HORMAD1: variants seen among roughly 807,000 people sequenced by gnomAD.
The protein encoded by HORMAD1 is HORMA domain containing 1.
A neutral mutation model predicts 58.2 loss-of-function variants in HORMAD1; 33 were observed. The observed-to-expected ratio is 0.57, with a 90% CI of 0.43 to 0.76. The LOEUF (loss-of-function observed/expected upper bound fraction) is 0.76. HORMAD1 is among the 30% of genes least tolerant of loss of function. HORMAD1 has a pLI of 0.00. For missense variants in HORMAD1, 363 were observed against 462.0 expected (o/e 0.79, Z 1.96); for synonymous variants, 137 against 144.6 (o/e 0.95, Z 0.38).
At chr1:150,711,636 T>C (rs1651908904) in intron 6 of HORMAD1, 65 bp from the exon 7 acceptor site, 1 of 1,280,202 alleles carries the variant, frequency 7.8e-7, no homozygotes, top group East Asian at 2.3e-5. Flanking sequence ...AATTAGATGT[T>C]TAGACTAAAC....
At chr1:150,700,943 G>A (rs1651519428) in intron 13 of HORMAD1, among the ~76,000 whole-genome samples, 1 of 152,090 alleles carries the variant, frequency 6.6e-6, no homozygotes, top group South Asian at 2.1e-4. Context: ...ATTGGAAAAT[G>A]ACTAATGATT....
At position 150,708,193 on chromosome 1, in the gene HORMAD1, C is replaced by A; in HGVS notation, c.547+63G>T. On this transcript the variant is annotated intron_variant, in intron 9 of 14. Transcript: ENST00000361824. ...TGCTAAAAATATTTGGAATGGAAAC[C>A]AATTGTTTCAATAATGATAAAACAT... The A allele has an allele frequency of 8.7e-6, 11 of 1,258,978 alleles. No individual in the cohort carries two copies. In the South Asian group the frequency reaches 1.2e-4, roughly 13 times the overall value. 78.0% of individuals were successfully genotyped at this position (1,258,978 alleles called of 1,614,324 possible). A position where few individuals can be genotyped will look rare whatever the true frequency, so the allele number is the denominator to read the frequency against.
chr1:150,718,724 A>C (rs1305761736), intron 2 of HORMAD1, among the ~76,000 whole-genome samples: 1 of 152,084 alleles, frequency 6.6e-6, no homozygotes, highest in African/African-American at 2.4e-5. Context: ...TTCTGAGTTC[A>C]AGCGATTCTC....
rs768663194 is a variant in HORMAD1, at chr1:150,713,901, T to A, written c.279+184A>T. 9 of 587,956 alleles carry A rather than the reference T, an allele frequency of 1.5e-5. No homozygotes were observed. In the East Asian group the frequency reaches 3.0e-4, roughly 19 times the overall value. The allele number at this position is 587,956 out of a possible 1,614,324, so 36.4% of individuals were successfully genotyped here. A position where few individuals can be genotyped will look rare whatever the true frequency, so the allele number is the denominator to read the frequency against. ...TTGGAAAAATTTGTTTAGTGTTAAT[T>A]CCATTATCTTTAAATGAGTTGATGA... On this transcript the variant is annotated intron_variant, in intron 5 of 14. Transcript: ENST00000361824.
intron 14 of HORMAD1, among the ~76,000 whole-genome samples, chr1:150,699,278 T>C (rs747613500): frequency 2.6e-5 from 4 of 152,228 alleles, no homozygotes; most frequent in Non-Finnish European, 5.9e-5. Flanking sequence ...AATAAGGTTC[T>C]AAATATGAAA....
intron 10 of HORMAD1, among the ~76,000 whole-genome samples, chr1:150,705,767 G>C (rs1296928936): frequency 6.6e-6 from 1 of 152,070 alleles, no homozygotes; most frequent in African/African-American, 2.4e-5. Flanking sequence ...TAACTGAATT[G>C]GTTGAAAATT....
intron 11 of HORMAD1, 25 bp from the exon 12 acceptor site, chr1:150,704,219 ACCCGGGT>A: frequency 6.9e-7 from 1 of 1,451,898 alleles, no homozygotes; most frequent in Non-Finnish European, 9.5e-7. Context: ...AAAAAAAGTT[ACCCGGGT>A]ATAAAATTGA....
chr1:150,706,997 C>T (rs1008404321), intron 9 of HORMAD1, among the ~76,000 whole-genome samples, 188 bp from the exon 10 acceptor site: 1 of 152,190 alleles, frequency 6.6e-6, no homozygotes, highest in Admixed American at 6.5e-5. Context: ...TTGTTTTCTT[C>T]ACTTGACTGT....
At chr1:150,700,622 G>A (rs1557794191) in intron 13 of HORMAD1, among the ~76,000 whole-genome samples, 1 of 151,988 alleles carries the variant, frequency 6.6e-6, no homozygotes, top group African/African-American at 2.4e-5. Flanking sequence ...ATATACCTTA[G>A]CTATCACTCT....
chr1:150,719,772 T>C (rs189789863), intron 1 of HORMAD1, among the ~76,000 whole-genome samples: 1 of 152,316 alleles, frequency 6.6e-6, no homozygotes, highest in East Asian at 1.9e-4. Context: ...TAAGAAACTG[T>C]TTAAGAGAAC....
At position 150,703,399 on chromosome 1, in the gene HORMAD1, A is replaced by G. The variant is rs750274579; in HGVS notation, c.949-6T>C. 6.8e-7 allele frequency: 1 copy of G among 1,467,926 alleles called. No homozygotes were observed. Among genetic ancestry groups the G allele is most frequent in the Non-Finnish European group, 9.4e-7 (1 of 1,067,318 alleles). 90.9% of individuals were successfully genotyped at this position (1,467,926 alleles called of 1,614,324 possible). A position where few individuals can be genotyped will look rare whatever the true frequency, so the allele number is the denominator to read the frequency against. On this transcript the variant is annotated splice_region_variant and splice_polypyrimidine_tract_variant and intron_variant, in intron 12 of 14. Transcript: ENST00000361824. ...TTATTGACTAACTGCTCAACCTAAA[A>G]AAGAAAATAATTACAAAAAATATAA...
In HORMAD1 at chr1:150,703,353, G is replaced by A; in HGVS notation, c.989C>T (p.Ser330Phe). The change falls in exon 13 of 15, where the codon TCT becomes TTT. Residue 330 changes from serine to phenylalanine, a missense_variant. Ser to Phe is a radical substitution (Grantham distance 155). Around this residue, in one of 3 missense-constraint regions of HORMAD1, gnomAD observed 226 missense variants for 257.8 expected, o/e 0.88. Coordinates refer to ENST00000361824, the MANE Select transcript of HORMAD1 (RefSeq NM_032132.5). ...TTTTCCACTTCTTGTTTTGCTTTCAGACATATCAAGTTCAGATGTTTTATT... is the reference window on the plus strand; with the variant it reads ...TTTTCCACTTCTTGTTTTGCTTTCAAACATATCAAGTTCAGATGTTTTATT... ...LVNKTSELDM[S>F]ESKTRSGKVF... is the part of the protein sequence containing the mutation. 1 of 1,581,806 alleles carries A rather than the reference G, an allele frequency of 6.3e-7. No homozygotes were observed. The highest frequency in any genetic ancestry group is 8.6e-7 in the Non-Finnish European group (1 of 1,158,244).
At chr1:150,703,513 A>G (rs1651598510) in intron 12 of HORMAD1, 120 bp from the exon 13 acceptor site, 2 of 590,114 alleles carry the variant, frequency 3.4e-6, no homozygotes, top group Non-Finnish European at 5.9e-6. Flanking sequence ...AGTTAAAACC[A>G]ATAATTTTGA....
chr1:150,706,956 A>T (rs1651715327), intron 9 of HORMAD1, 147 bp from the exon 10 acceptor site: 1 of 593,034 alleles, frequency 1.7e-6, no homozygotes, highest in Non-Finnish European at 2.7e-6. Flanking sequence ...TGCTATGTCC[A>T]AGTCCCCATT....
intron 2 of HORMAD1, among the ~76,000 whole-genome samples, chr1:150,717,596 C>T (rs1209276347): frequency 2.0e-5 from 3 of 151,988 alleles, no homozygotes; most frequent in South Asian, 4.1e-4. Context: ...CAGCTGCCTA[C>T]AACCTCCATT....
chr1:150,711,853 G>T lies in HORMAD1; in HGVS notation c.280C>A (p.Leu94Ile). ...GCYDALQKKY[L>I]RMVVLAVYTN... is the part of the protein sequence containing the mutation. ...CTTACAGCTAGAACAACCATCCTTA[G>T]CTGAAATACAACAAAGAACAAAAAT... Residue 94 changes from leucine to isoleucine, a missense_variant and splice_region_variant, in exon 6 of 15, where the codon CTA becomes ATA. Leu to Ile is a conservative substitution (Grantham distance 5). This residue lies in a region of HORMAD1 where 128 missense variants were observed against 171.8 expected (regional missense o/e 0.74). Coordinates refer to ENST00000361824, the MANE Select transcript of HORMAD1 (RefSeq NM_032132.5). The T allele has an allele frequency of 6.4e-7, 1 of 1,570,908 alleles. No homozygotes were observed. Among genetic ancestry groups the T allele is most frequent in the Non-Finnish European group, 8.7e-7 (1 of 1,145,060 alleles).
intron 5 of HORMAD1, among the ~76,000 whole-genome samples, chr1:150,712,082 C>T (rs1008838788): frequency 3.9e-5 from 6 of 152,138 alleles, no homozygotes; most frequent in Admixed American, 6.5e-5. Flanking sequence ...AAATTCATGT[C>T]AGCACTTTAT....
intron 5 of HORMAD1, 144 bp from the exon 6 acceptor site, chr1:150,711,997 G>A (rs1223177943): frequency 7.9e-6 from 5 of 631,508 alleles, no homozygotes; most frequent in African/African-American, 1.8e-5. Flanking sequence ...TAAGATCAAT[G>A]CCTATAATGC....
chr1:150,698,074 T>C lies in HORMAD1; in HGVS notation c.*580A>G, dbSNP rs1388249479. On this transcript the variant is annotated 3_prime_UTR_variant, in exon 15 of 15. Coordinates refer to ENST00000361824, the MANE Select transcript of HORMAD1 (RefSeq NM_032132.5). The stretch of plus-strand genomic sequence containing the variant: ...ATAAAAGGGCCTACGTACTGAACAA[T>C]ATTTTATTTATGCTGCAAAAAATGC... 2 of 152,186 alleles carry C rather than the reference T, an allele frequency of 1.3e-5. No individual in the cohort carries two copies. Among genetic ancestry groups the C allele is most frequent in the African/African-American group, 2.4e-5 (1 of 41,442 alleles). 9.4% of individuals were successfully genotyped at this position (152,186 alleles called of 1,614,324 possible). A position where few individuals can be genotyped will look rare whatever the true frequency, so the allele number is the denominator to read the frequency against.
Sources: gnomAD v4.1 joint callset for allele counts (sites outside exome capture counted in the v4.1 genomes callset) on GRCh38, gnomAD v4.1.1 for gene constraint, gnomAD v4.1.1 regional missense constraint, MANE v1.5 for transcripts, NCBI Gene and HGNC (gene_info 2026-07-23, HGNC 2026-07-21) for gene names.